The following CAMTA1 variants were observed in gnomAD, a reference collection of about 807,000 sequenced individuals.
CAMTA1 encodes the protein calmodulin-binding transcription activator 1.
In CAMTA1, 27 loss-of-function variants were observed where a neutral mutation model predicts 170.9. That is an observed-to-expected ratio of 0.16 (90% CI 0.12 to 0.22). CAMTA1 has a LOEUF of 0.22. CAMTA1 is among the 10% of genes least tolerant of loss of function. The pLI, the probability that CAMTA1 is intolerant of heterozygous loss-of-function variation, is 1.00. For missense variants in CAMTA1, 1,619 were observed against 2,217.2 expected, an observed-to-expected ratio of 0.73 and a Z score of 5.42; for synonymous variants, 833 against 891.5, an observed-to-expected ratio of 0.93 and a Z score of 1.17.
chr1:7,484,617 G>A (rs527587798), intron 6 of CAMTA1, among the ~76,000 whole-genome samples: 4 of 152,112 alleles, frequency 2.6e-5, no homozygotes, highest in South Asian at 2.1e-4. Flanking sequence ...GTGAAATCCC[G>A]TCTCTACTAA....
chr1:6,882,810 C>T (rs1356642819), intron 3 of CAMTA1, among the ~76,000 whole-genome samples: 1 of 152,034 alleles, frequency 6.6e-6, no homozygotes, highest in Non-Finnish European at 1.5e-5. Context: ...ACATGGAGCC[C>T]TGGGACACCC....
chr1:7,432,226 C>G (rs984402460), intron 5 of CAMTA1, among the ~76,000 whole-genome samples: 4 of 152,170 alleles, frequency 2.6e-5, no homozygotes, highest in African/African-American at 9.7e-5. Context: ...TAAGCCTCAC[C>G]CAGCCTTGTG....
At chr1:6,964,967 G>A (rs919377372) in intron 3 of CAMTA1, among the ~76,000 whole-genome samples, 1 of 152,166 alleles carries the variant, frequency 6.6e-6, no homozygotes, top group Admixed American at 6.5e-5. Context: ...TGTGTTGGAG[G>A]GGCTTTGAGC....
chr1:7,284,177 C>CTTCTTCTTA (rs1333698169), intron 5 of CAMTA1, among the ~76,000 whole-genome samples: 277 of 99,282 alleles, frequency 2.8e-3, no homozygotes, highest in Middle Eastern at 5.1e-3. Flanking sequence ...TCTTCTTCTT[C>CTTCTTCTTA]TTATTATTAT....
intron 3 of CAMTA1, among the ~76,000 whole-genome samples, chr1:7,084,800 A>G (rs1243805244): frequency 6.6e-6 from 1 of 152,208 alleles, no homozygotes; most frequent in Non-Finnish European, 1.5e-5. Context: ...GCCCAGCTAG[A>G]GGGGCTGGCT....
At chr1:7,636,566 G>A (rs12097678) in intron 6 of CAMTA1, among the ~76,000 whole-genome samples, 9,565 of 152,114 alleles carry the variant, frequency 0.063, 762 homozygotes, top group African/African-American at 0.19. Flanking sequence ...AAAATTAGCC[G>A]GGCATGGTGG....
At chr1:7,407,413 G>A (rs2090379001) in intron 5 of CAMTA1, among the ~76,000 whole-genome samples, 1 of 152,326 alleles carries the variant, frequency 6.6e-6, no homozygotes, top group Admixed American at 6.5e-5. Context: ...GAAGGGCCCT[G>A]CTCTGTGGGG....
At chr1:6,877,071 G>T (rs572926621) in intron 3 of CAMTA1, among the ~76,000 whole-genome samples, 29 of 152,312 alleles carry the variant, frequency 1.9e-4, no homozygotes, top group African/African-American at 7.0e-4. Flanking sequence ...CTCCTCCTCT[G>T]TGTCCTTAGC....
intron 4 of CAMTA1, among the ~76,000 whole-genome samples, chr1:7,190,243 C>T (rs1490694609): frequency 1.3e-5 from 2 of 151,922 alleles, no homozygotes; most frequent in Admixed American, 6.6e-5. Flanking sequence ...AACTTACTCA[C>T]GTAACCAAAT....
At chr1:7,411,279 T>A (rs2090719759) in intron 5 of CAMTA1, among the ~76,000 whole-genome samples, 1 of 152,142 alleles carries the variant, frequency 6.6e-6, no homozygotes, top group South Asian at 2.1e-4. Flanking sequence ...GTCCCCCTCT[T>A]TGGCGCAATG....
chr1:6,928,838 T>C (rs1293419583), intron 3 of CAMTA1, among the ~76,000 whole-genome samples: 1 of 152,174 alleles, frequency 6.6e-6, no homozygotes, highest in African/African-American at 2.4e-5. Flanking sequence ...CTCTGTTTGC[T>C]CCTCATGGCC....
chr1:7,330,695 A>G (rs373112680), intron 5 of CAMTA1, among the ~76,000 whole-genome samples: 1 of 152,250 alleles, frequency 6.6e-6, no homozygotes. Flanking sequence ...CAATGGTTCA[A>G]TCACAACTGT....
At chr1:7,268,771 CATATA>C in intron 5 of CAMTA1, among the ~76,000 whole-genome samples, 1 of 152,278 alleles carries the variant, frequency 6.6e-6, no homozygotes, top group Middle Eastern at 3.4e-3. Flanking sequence ...CATTACTAAA[CATATA>C]AGGAAACAGG....
intron 11 of CAMTA1, among the ~76,000 whole-genome samples, chr1:7,697,951 C>T (rs1401892933): frequency 2.6e-5 from 4 of 152,028 alleles, no homozygotes; most frequent in Non-Finnish European, 4.4e-5. Context: ...CTCTTGATGC[C>T]GTGGGTTGGC....
At position 7,514,775 on chromosome 1, in the gene CAMTA1, C is replaced by G. The variant is rs559973303; in HGVS notation, c.510+46874C>G. On this transcript the variant is annotated intron_variant, in intron 6 of 22. Coordinates refer to ENST00000303635, the MANE Select transcript of CAMTA1 (RefSeq NM_015215.4). The stretch of plus-strand genomic sequence containing the variant: ...GCCTGGTCCTGGTGCAGACATCCAC[C>G]TGGAGCTGTGGGGCCTGGAGTGCCT... 3.8e-4 allele frequency among the ~76,000 whole-genome samples: 58 copies of G among 152,308 alleles called. 1 individual carries two copies. In the South Asian group the frequency reaches 0.012, roughly 32 times the overall value.
At chr1:7,536,385 C>A (rs76873966) in intron 6 of CAMTA1, among the ~76,000 whole-genome samples, 4,139 of 152,264 alleles carry the variant, frequency 0.027, 338 homozygotes, top group East Asian at 0.2. Context: ...GGAGGAGGTG[C>A]CTGCCCCTGG....
At chr1:7,083,255 T>A (rs17030246) in intron 3 of CAMTA1, among the ~76,000 whole-genome samples, 6,697 of 152,302 alleles carry the variant, frequency 0.044, 501 homozygotes, top group African/African-American at 0.15. Context: ...TTGTAGACAG[T>A]CCTCCAGACA....
intron 1 of CAMTA1, among the ~76,000 whole-genome samples, chr1:6,804,393 G>A (rs1644270353): frequency 6.6e-6 from 1 of 151,948 alleles, no homozygotes; most frequent in Non-Finnish European, 1.5e-5. Flanking sequence ...ATATAATTGA[G>A]TGGGTTTTCT....
chr1:6,897,155 A>G (rs1168709860), intron 3 of CAMTA1, among the ~76,000 whole-genome samples: 1 of 152,228 alleles, frequency 6.6e-6, no homozygotes, highest in African/African-American at 2.4e-5. Context: ...AGTAGAGAAC[A>G]GGTTCAGGTA....
Sources: gnomAD v4.1 joint callset for allele counts (sites outside exome capture counted in the v4.1 genomes callset) on GRCh38, gnomAD v4.1.1 for gene constraint, MANE v1.5 for transcripts, NCBI Gene and HGNC (gene_info 2026-07-23, HGNC 2026-07-21) for gene names.